FOXO3: variants seen among roughly 807,000 people sequenced by gnomAD.
FOXO3 encodes the protein forkhead box O3, also known as forkhead box protein O3.
A neutral mutation model predicts 41.9 loss-of-function variants in FOXO3; 4 were observed. The ratio of observed to expected loss-of-function variants is 0.10; its 90% CI spans 0.05 to 0.22. The LOEUF is 0.22. Among genes scored for constraint, FOXO3 ranks in the 10% least tolerant of loss-of-function variants. The pLI is 1.00. For missense variants in FOXO3, 534 were observed against 906.8 expected, an observed-to-expected ratio of 0.59 and a Z score of 5.28; for synonymous variants, 318 against 389.3, an observed-to-expected ratio of 0.82 and a Z score of 2.16.
At chr6:108,601,577 T>A (rs1777057665) in intron 1 of FOXO3, among the ~76,000 whole-genome samples, 1 of 152,216 alleles carries the variant, frequency 6.6e-6, no homozygotes, top group Non-Finnish European at 1.5e-5. Context: ...GGGCTGGGAT[T>A]AGAGGGGTGA....
At chr6:108,572,702 G>T (rs1242117169) in intron 1 of FOXO3, among the ~76,000 whole-genome samples, 2 of 152,110 alleles carry the variant, frequency 1.3e-5, no homozygotes, top group Non-Finnish European at 2.9e-5. Context: ...GTCTACACAA[G>T]ACATTTTCTA....
chr6:108,671,248 T>G (rs957126191), intron 2 of FOXO3, among the ~76,000 whole-genome samples: 2 of 152,218 alleles, frequency 1.3e-5, no homozygotes, highest in Non-Finnish European at 2.9e-5. Flanking sequence ...ATCCAGATGC[T>G]GGTTTCTTTT....
intron 1 of FOXO3, among the ~76,000 whole-genome samples, chr6:108,594,090 C>G (rs971321675): frequency 2.0e-5 from 3 of 152,062 alleles, no homozygotes. Context: ...TTAAAACTAC[C>G]AAAGCAGTGA....
intron 1 of FOXO3, among the ~76,000 whole-genome samples, chr6:108,600,219 G>A (rs1777007005): frequency 6.6e-6 from 1 of 152,100 alleles, no homozygotes; most frequent in African/African-American, 2.4e-5. Flanking sequence ...CCATCGATAT[G>A]AGCCTTTATA....
intron 1 of FOXO3, among the ~76,000 whole-genome samples, chr6:108,577,126 A>G (rs1489157738): frequency 6.6e-6 from 1 of 152,068 alleles, no homozygotes. Context: ...TTTTTGGTAT[A>G]TGATTTCAAA....
chr6:108,637,539 A>G (rs1371826569), intron 1 of FOXO3, among the ~76,000 whole-genome samples: 1 of 152,158 alleles, frequency 6.6e-6, no homozygotes, highest in African/African-American at 2.4e-5. Context: ...AGTTAAGCCT[A>G]TGCAGGTTTA....
intron 1 of FOXO3, among the ~76,000 whole-genome samples, chr6:108,609,838 G>A (rs1383938795): frequency 6.6e-6 from 1 of 152,176 alleles, no homozygotes; most frequent in Non-Finnish European, 1.5e-5. Context: ...CACGCCTGGA[G>A]GACTTAACTG....
intron 1 of FOXO3, among the ~76,000 whole-genome samples, chr6:108,570,396 T>C (rs1416377488): frequency 6.6e-6 from 1 of 152,068 alleles, no homozygotes. Context: ...TCTCCACAGC[T>C]TCAAACTCCT....
intron 1 of FOXO3, among the ~76,000 whole-genome samples, chr6:108,633,303 G>C (rs1778025702): frequency 6.6e-6 from 1 of 152,048 alleles, no homozygotes; most frequent in South Asian, 2.1e-4. Context: ...ACTAGAGAGA[G>C]AGGGAATGTG....
chr6:108,631,207 T>C (rs372140610), intron 1 of FOXO3, among the ~76,000 whole-genome samples: 2 of 152,182 alleles, frequency 1.3e-5, no homozygotes, highest in African/African-American at 4.8e-5. Context: ...TTTATGTAGA[T>C]GGGCACCTGG....
intron 1 of FOXO3, among the ~76,000 whole-genome samples, chr6:108,659,145 A>G (rs1016166463): frequency 6.6e-6 from 1 of 152,166 alleles, no homozygotes; most frequent in African/African-American, 2.4e-5. Flanking sequence ...TCAGTGTCCC[A>G]AAGTACTGGA....
At chr6:108,593,364 T>A (rs1776782570) in intron 1 of FOXO3, among the ~76,000 whole-genome samples, 1 of 152,146 alleles carries the variant, frequency 6.6e-6, no homozygotes, top group African/African-American at 2.4e-5. Flanking sequence ...AAATATTAAT[T>A]TTTTCCTTTG....
In FOXO3 at chr6:108,683,638, A is replaced by G. The variant is rs1294308402; in HGVS notation, c.*3846A>G. 2 of 151,120 alleles carry G rather than the reference A, an allele frequency of 1.3e-5. No homozygotes were observed. The highest frequency in any genetic ancestry group is 2.9e-5 in the Non-Finnish European group (2 of 67,882). The allele number at this position is 151,120 out of a possible 1,614,324, so 9.4% of individuals were successfully genotyped here. A position where few individuals can be genotyped will look rare whatever the true frequency, so the allele number is the denominator to read the frequency against. ...GAGGCGGAGGTCGCAGTGAGCCGAG[A>G]TCATGCCAGTGCACTCCAGCCTGGG... is the stretch of plus-strand genomic sequence containing the variant. On this transcript the variant is annotated 3_prime_UTR_variant, in exon 3 of 3. Transcript: ENST00000406360.
chr6:108,661,700 T>C (rs1778871116), intron 1 of FOXO3, among the ~76,000 whole-genome samples: 1 of 152,192 alleles, frequency 6.6e-6, no homozygotes, highest in South Asian at 2.1e-4. Flanking sequence ...ACTGCAGTTG[T>C]TGCAGACAAA....
At chr6:108,675,354 CTCTG>C (rs1770544240) in intron 2 of FOXO3, among the ~76,000 whole-genome samples, 1 of 152,120 alleles carries the variant, frequency 6.6e-6, no homozygotes, top group Admixed American at 6.5e-5. Flanking sequence ...CAGGTCTAGG[CTCTG>C]AGGTGTCCTG....
In FOXO3 at chr6:108,565,999, C is replaced by T. The variant is rs78424252; in HGVS notation, c.621+4170C>T. Among the ~76,000 whole-genome samples, 1,280 of 152,156 alleles carry T rather than the reference C, an allele frequency of 8.4e-3. 10 individuals carry two copies. Among genetic ancestry groups the T allele is most frequent in the Non-Finnish European group, 0.014 (927 of 68,010 alleles). On this transcript the variant is annotated intron_variant, in intron 1 of 2. Transcript: ENST00000406360. ...TGTGTGAAGAATCTGTCTGCTTGGC[C>T]CGTGTTGCCAAAATGTCGTTTTGTA...
intron 2 of FOXO3, among the ~76,000 whole-genome samples, chr6:108,666,655 T>G (rs1425662660): frequency 1.3e-5 from 2 of 152,152 alleles, no homozygotes; most frequent in Non-Finnish European, 2.9e-5. Context: ...GATTCATTTC[T>G]TAAATGGCTT....
chr6:108,660,921 A>T (rs1005967053), intron 1 of FOXO3, among the ~76,000 whole-genome samples: 2 of 152,078 alleles, frequency 1.3e-5, no homozygotes, highest in African/African-American at 2.4e-5. Context: ...TTAGCTGGGC[A>T]TGGTGGCGGG....
chr6:108,595,776 C>T (rs1672825080), intron 1 of FOXO3, among the ~76,000 whole-genome samples: 1 of 152,150 alleles, frequency 6.6e-6, no homozygotes, highest in Admixed American at 6.5e-5. Context: ...TTGCACACAA[C>T]ATGAAATTAG....
Sources: allele counts gnomAD v4.1 joint callset (sites outside exome capture counted in the v4.1 genomes callset), GRCh38; gene constraint gnomAD v4.1.1; transcripts MANE v1.5; gene names NCBI Gene and HGNC (gene_info 2026-07-23, HGNC 2026-07-21).